Variants in NKAIN2 observed in about 807,000 individuals in gnomAD.
NKAIN2 encodes sodium/potassium-transporting ATPase subunit beta-1-interacting protein 2.
Under a neutral mutation model 32.6 loss-of-function variants are expected in NKAIN2, and 14 were observed. The observed-to-expected ratio is 0.43, with a 90% confidence interval of 0.28 to 0.67. The LOEUF is 0.67. Among genes scored for constraint, NKAIN2 ranks in the 30% least tolerant of loss-of-function variants. The pLI, the probability that NKAIN2 is intolerant of heterozygous loss-of-function variation, is 0.17. For synonymous variants in NKAIN2, 80 were observed against 87.2 expected, an observed-to-expected ratio of 0.92 and a Z score of 0.46; for missense variants, 198 against 258.3, an observed-to-expected ratio of 0.77 and a Z score of 1.60.
chr6:124,289,363 A>T (rs1795698481), intron 2 of NKAIN2, among the ~76,000 whole-genome samples: 1 of 152,034 alleles, frequency 6.6e-6, no homozygotes, highest in African/African-American at 2.4e-5. Flanking sequence ...CTTCAGACAA[A>T]GTGTCACCTG....
At chr6:124,405,583 T>C (rs1308240755) in intron 3 of NKAIN2, among the ~76,000 whole-genome samples, 2 of 151,648 alleles carry the variant, frequency 1.3e-5, no homozygotes, top group East Asian at 3.9e-4. Context: ...TCTCACTATA[T>C]TGCCCAGGCA....
intron 3 of NKAIN2, among the ~76,000 whole-genome samples, chr6:124,367,673 G>A (rs1408085666): frequency 2.0e-5 from 3 of 152,018 alleles, no homozygotes; most frequent in African/African-American, 7.2e-5. Flanking sequence ...GAGTTGTAAG[G>A]ATTTAATTAC....
At position 124,523,239 on chromosome 6, in the gene NKAIN2, A is replaced by G. The variant is rs79845486; in HGVS notation, c.274-134947A>G. Reference sequence around the variant, plus strand: ...TTATTTGTTAAGATAGCCAGCTTCTATACCATGAGTTCAGAATTATGTTCA... The same window carrying G: ...TTATTTGTTAAGATAGCCAGCTTCTGTACCATGAGTTCAGAATTATGTTCA... On this transcript the variant is annotated intron_variant, in intron 3 of 6. Transcript: ENST00000368417. Among the ~76,000 whole-genome samples the G allele has an allele frequency of 3.9e-3, 600 of 152,176 alleles. 2 individuals carry two copies. The highest frequency in any genetic ancestry group is 6.7e-3 in the Admixed American group (102 of 15,294).
At chr6:123,812,040 G>GC (rs1194792172) in intron 1 of NKAIN2, among the ~76,000 whole-genome samples, 2 of 152,038 alleles carry the variant, frequency 1.3e-5, no homozygotes, top group Non-Finnish European at 2.9e-5. Flanking sequence ...GAACTCTTAT[G>GC]CCCCCCACCG....
chr6:124,200,101 A>G (rs544056287), intron 1 of NKAIN2, among the ~76,000 whole-genome samples: 2 of 152,242 alleles, frequency 1.3e-5, no homozygotes, highest in South Asian at 2.1e-4. Flanking sequence ...CATGTTTTAT[A>G]TCAGCTCTGT....
intron 1 of NKAIN2, among the ~76,000 whole-genome samples, chr6:123,869,843 C>A (rs1160449161): frequency 6.7e-6 from 1 of 150,356 alleles, no homozygotes; most frequent in African/African-American, 2.4e-5. Flanking sequence ...GATAAGTTTA[C>A]AAATTTTAAG....
intron 3 of NKAIN2, among the ~76,000 whole-genome samples, chr6:124,482,181 A>C (rs1777479575): frequency 6.6e-6 from 1 of 152,176 alleles, no homozygotes; most frequent in South Asian, 2.1e-4. Flanking sequence ...ATGAGTATGC[A>C]GGCAGATCTT....
intron 1 of NKAIN2, among the ~76,000 whole-genome samples, chr6:124,028,906 CATAT>C (rs1781276007): frequency 2.7e-4 from 4 of 14,984 alleles, no homozygotes; most frequent in Non-Finnish European, 4.3e-4. Context: ...TATATATACA[CATAT>C]ATGTATATAT....
At chr6:123,921,076 T>C (rs1775729893) in intron 1 of NKAIN2, among the ~76,000 whole-genome samples, 1 of 152,126 alleles carries the variant, frequency 6.6e-6, no homozygotes, top group African/African-American at 2.4e-5. Context: ...ACAATGGAAA[T>C]AAGAGTGGAA....
intron 1 of NKAIN2, among the ~76,000 whole-genome samples, chr6:124,071,570 T>C (rs1783469421): frequency 6.6e-6 from 1 of 152,082 alleles, no homozygotes; most frequent in Admixed American, 6.6e-5. Flanking sequence ...ATTCACAAAC[T>C]ATGCACTCAA....
intron 1 of NKAIN2, among the ~76,000 whole-genome samples, chr6:123,864,798 G>T (rs946133957): frequency 6.6e-6 from 1 of 152,180 alleles, no homozygotes; most frequent in Non-Finnish European, 1.5e-5. Context: ...TTCTATATTT[G>T]CCTCTAAAGC....
intron 1 of NKAIN2, among the ~76,000 whole-genome samples, chr6:124,238,005 T>C (rs1336356832): frequency 6.6e-6 from 1 of 152,078 alleles, no homozygotes; most frequent in East Asian, 1.9e-4. Flanking sequence ...ACTAACACGA[T>C]GCAGAGACTT....
At chr6:124,663,522 C>T (rs1045380614) in intron 4 of NKAIN2, among the ~76,000 whole-genome samples, 1 of 151,908 alleles carries the variant, frequency 6.6e-6, no homozygotes, top group South Asian at 2.1e-4. Context: ...ATACCCAAAA[C>T]GCATGACTTC....
At chr6:124,080,948 A>G (rs571373720) in intron 1 of NKAIN2, among the ~76,000 whole-genome samples, 177 of 152,308 alleles carry the variant, frequency 1.2e-3, no homozygotes, top group African/African-American at 4.1e-3. Flanking sequence ...ACTCGCCTGC[A>G]TAGGTATAAA....
intron 1 of NKAIN2, among the ~76,000 whole-genome samples, chr6:124,149,769 C>A (rs1177657031): frequency 6.6e-6 from 1 of 152,078 alleles, no homozygotes; most frequent in Non-Finnish European, 1.5e-5. Context: ...GTCCTGCAGA[C>A]CCTGGCTGAT....
intron 3 of NKAIN2, among the ~76,000 whole-genome samples, chr6:124,440,342 G>T (rs1775635945): frequency 6.6e-6 from 1 of 151,980 alleles, no homozygotes; most frequent in Non-Finnish European, 1.5e-5. Flanking sequence ...AAAGTTTAAT[G>T]GGATAGACTT....
intron 1 of NKAIN2, among the ~76,000 whole-genome samples, chr6:123,912,587 A>G (rs1775269829): frequency 6.6e-6 from 1 of 152,162 alleles, no homozygotes; most frequent in Non-Finnish European, 1.5e-5. Flanking sequence ...TTATGTGTCA[A>G]TACAGTATCA....
chr6:124,375,313 T>G (rs1224785524), intron 3 of NKAIN2, among the ~76,000 whole-genome samples: 1 of 150,934 alleles, frequency 6.6e-6, no homozygotes, highest in East Asian at 1.9e-4. Flanking sequence ...TGTCTGTCTT[T>G]CCTGTGAAAA....
At chr6:124,003,062 TATCTC>T (rs1202317641) in intron 1 of NKAIN2, among the ~76,000 whole-genome samples, 2 of 152,224 alleles carry the variant, frequency 1.3e-5, no homozygotes, top group African/African-American at 4.8e-5. Flanking sequence ...ATAATTCTGA[TATCTC>T]TTCTTAACCA....
Sources: gnomAD v4.1 joint callset for allele counts (sites outside exome capture counted in the v4.1 genomes callset) on GRCh38, gnomAD v4.1.1 for gene constraint, MANE v1.5 for transcripts, NCBI Gene and HGNC (gene_info 2026-07-23, HGNC 2026-07-21) for gene names.